RUFY1: variants seen among roughly 807,000 people sequenced by gnomAD.
The protein encoded by RUFY1 is RUN and FYVE domain containing 1.
Under a neutral mutation model 94.6 loss-of-function variants are expected in RUFY1, and 54 were observed. That is an observed-to-expected ratio of 0.57 (90% CI 0.46 to 0.72). The LOEUF is 0.72. Ranked by LOEUF, RUFY1 falls within the 30% of genes least tolerant of loss-of-function variation. The probability of loss-of-function intolerance (pLI) is 0.00; values close to 1 mark genes in which losing one functional copy is unlikely to be tolerated. For synonymous variants in RUFY1, 396 were observed against 347.3 expected (o/e 1.14, Z -1.56); for missense variants, 883 against 883.9 (o/e 1.00, Z 0.01).
intron 1 of RUFY1, among the ~76,000 whole-genome samples, chr5:179,552,546 T>C (rs1274948294): frequency 1.1e-4 from 16 of 152,218 alleles, no homozygotes; most frequent in Admixed American, 9.8e-4. Context: ...AGGCCGGGAA[T>C]CTACTGCCCT....
chr5:179,591,680 G>A lies in RUFY1; in HGVS notation c.1184G>A (p.Gly395Asp). 1 of 1,613,326 alleles carries A rather than the reference G, an allele frequency of 6.2e-7. No homozygotes were observed. The highest frequency in any genetic ancestry group is 1.3e-5 in the African/African-American group (1 of 74,974). The change falls in exon 10 of 18, where the codon GGT becomes GAT. Residue 395 changes from glycine (G) to aspartate (D), a missense_variant. Gly to Asp is a moderately conservative substitution (Grantham distance 94). Coordinates refer to ENST00000319449, the MANE Select transcript of RUFY1 (RefSeq NM_025158.5). ...ELETYKQTRQ[G>D]LDEMYSDVWK... ...GAGACTTACAAGCAAACTCGGCAAG[G>A]TCTGGATGAAATGTACAGTGATGTG...
chr5:179,578,918 A>G (rs1405813658), intron 6 of RUFY1, among the ~76,000 whole-genome samples: 1 of 152,204 alleles, frequency 6.6e-6, no homozygotes, highest in Non-Finnish European at 1.5e-5. Context: ...TGCTAGGATT[A>G]CAGGCGTGAG....
At chr5:179,579,654 CTTCTT>C (rs1369901186) in intron 6 of RUFY1, among the ~76,000 whole-genome samples, 10 of 38,636 alleles carry the variant, frequency 2.6e-4, no homozygotes, top group African/African-American at 8.2e-4. Flanking sequence ...CCCTTTTCTT[CTTCTT>C]TTTTTTTTTT....
At chr5:179,596,333 A>T in intron 12 of RUFY1, 2 of 623,754 alleles carry the variant, frequency 3.2e-6, no homozygotes, top group South Asian at 3.6e-5. Flanking sequence ...AGCCAAAGCC[A>T]TATTGTTGCA....
At chr5:179,577,789 G>A (rs577647258) in intron 6 of RUFY1, among the ~76,000 whole-genome samples, 2 of 151,446 alleles carry the variant, frequency 1.3e-5, no homozygotes, top group Admixed American at 6.6e-5. Context: ...TGGGAGCGCC[G>A]GAGTTGGATG....
intron 2 of RUFY1, 28 bp from the exon 3 acceptor site, chr5:179,562,519 T>C (rs774065431): frequency 2.1e-6 from 3 of 1,425,300 alleles, no homozygotes; most frequent in Admixed American, 1.7e-5. Context: ...CCTGTTCTTA[T>C]GAATAACACT....
At chr5:179,559,059 C>T (rs1450151235) in intron 1 of RUFY1, among the ~76,000 whole-genome samples, 1 of 152,170 alleles carries the variant, frequency 6.6e-6, no homozygotes, top group Non-Finnish European at 1.5e-5. Flanking sequence ...AATACGATCC[C>T]CCGCCCCCAT....
chr5:179,602,111 G>C, intron 15 of RUFY1, 125 bp downstream of exon 15: 1 of 724,382 alleles, frequency 1.4e-6, no homozygotes, highest in Non-Finnish European at 2.4e-6. Context: ...TCAGTCCGCC[G>C]TTCACGGATG....
At chr5:179,571,231 C>T (rs932279165) in intron 5 of RUFY1, among the ~76,000 whole-genome samples, 3 of 152,144 alleles carry the variant, frequency 2.0e-5, no homozygotes, top group Admixed American at 6.5e-5. Flanking sequence ...GCACATGGCT[C>T]ACGCCTGTAA....
intron 1 of RUFY1, chr5:179,559,623 A>G (rs776996383): frequency 8.2e-6 from 8 of 979,276 alleles, no homozygotes; most frequent in Non-Finnish European, 9.7e-6. Flanking sequence ...TGGGGGCGGG[A>G]CGCTTTCCCA....
chr5:179,561,953 G>A (rs1286965689), intron 2 of RUFY1, among the ~76,000 whole-genome samples: 1 of 150,524 alleles, frequency 6.6e-6, no homozygotes, highest in African/African-American at 2.4e-5. Context: ...CAAAGTGCTG[G>A]GATTACAGGT....
intron 2 of RUFY1, among the ~76,000 whole-genome samples, chr5:179,560,739 A>G (rs1029982564): frequency 1.1e-3 from 164 of 151,192 alleles, no homozygotes; most frequent in African/African-American, 3.7e-3. Flanking sequence ...AAAAAAAAAA[A>G]AAAAGAAAAA....
At chr5:179,587,692 AC>A (rs1321810643) in intron 8 of RUFY1, among the ~76,000 whole-genome samples, 1 of 149,046 alleles carries the variant, frequency 6.7e-6, no homozygotes, top group Non-Finnish European at 1.5e-5. Flanking sequence ...GAGCCACTGC[AC>A]CCAGCCAGGT....
intron 6 of RUFY1, 143 bp from the exon 7 acceptor site, chr5:179,580,804 G>A (rs1315857538): frequency 1.6e-5 from 9 of 549,182 alleles, no homozygotes; most frequent in Admixed American, 3.7e-5. Flanking sequence ...ACTCTGGGAT[G>A]TGGATGTTAC....
intron 15 of RUFY1, 163 bp downstream of exon 15, chr5:179,602,149 G>A: frequency 1.6e-6 from 1 of 619,190 alleles, no homozygotes; most frequent in Non-Finnish European, 2.9e-6. Flanking sequence ...GCCTCAGAGG[G>A]GCCCAGCACT....
chr5:179,592,585 C>G (rs566108163), intron 10 of RUFY1, among the ~76,000 whole-genome samples: 1 of 152,152 alleles, frequency 6.6e-6, no homozygotes, highest in African/African-American at 2.4e-5. Flanking sequence ...TGCTATGAGA[C>G]CAGATTAACG....
intron 10 of RUFY1, among the ~76,000 whole-genome samples, chr5:179,592,273 C>T (rs944174220): frequency 2.6e-5 from 4 of 152,214 alleles, no homozygotes; most frequent in African/African-American, 9.6e-5. Context: ...GCATACGCCA[C>T]CATGCCTGGC....
chr5:179,559,175 C>T (rs901679823), intron 1 of RUFY1, among the ~76,000 whole-genome samples: 9 of 152,164 alleles, frequency 5.9e-5, no homozygotes, highest in African/African-American at 1.9e-4. Flanking sequence ...ACTTTGGGAT[C>T]TAAACTTTTA....
chr5:179,567,641 G>A (rs566995011), intron 4 of RUFY1, 79 bp downstream of exon 4: 3 of 981,940 alleles, frequency 3.1e-6, no homozygotes, highest in Admixed American at 4.0e-5. Context: ...GCTCACACCT[G>A]TAATCCCAGC....
Sources: allele counts gnomAD v4.1 joint callset (sites outside exome capture counted in the v4.1 genomes callset), GRCh38; gene constraint gnomAD v4.1.1; transcripts MANE v1.5; gene names NCBI Gene and HGNC (gene_info 2026-07-23, HGNC 2026-07-21).